TET3: variants seen among roughly 807,000 people sequenced by gnomAD.
TET3 encodes the protein methylcytosine dioxygenase TET3.
In TET3, 19 loss-of-function variants were observed where a neutral mutation model predicts 141.4. The ratio of observed to expected loss-of-function variants is 0.13; its 90% CI spans 0.09 to 0.20. The LOEUF (loss-of-function observed/expected upper bound fraction) is 0.20, where lower values mean the gene tolerates loss of function less well. Among genes scored for constraint, TET3 ranks in the 10% least tolerant of loss-of-function variants. The pLI is 1.00. For missense variants in TET3, 1,874 were observed against 2,356.9 expected, an observed-to-expected ratio of 0.80 and a Z score of 4.24; for synonymous variants, 1,043 against 980.9, an observed-to-expected ratio of 1.06 and a Z score of -1.18.
chr2:74,030,504 T>A (rs958704078), intron 3 of TET3, among the ~76,000 whole-genome samples: 2 of 152,256 alleles, frequency 1.3e-5, no homozygotes, highest in Admixed American at 1.3e-4. Context: ...TGCAAACTTA[T>A]AAGCTCAAGT....
intron 3 of TET3, among the ~76,000 whole-genome samples, chr2:74,038,998 A>T (rs551130765): frequency 2.0e-5 from 3 of 152,272 alleles, no homozygotes; most frequent in Admixed American, 6.5e-5. Flanking sequence ...GCCTTAGTTC[A>T]GGTCCTTATT....
chr2:74,046,003 C>A lies in TET3; in HGVS notation c.361-275C>A, dbSNP rs1339997687. ...GGAGAGCCTCATTTGTGTGATTGAT[C>A]TGAGGCTCTAAAAGTTTCTGAGCAA... is the stretch of plus-strand genomic sequence containing the variant. On this transcript the variant is annotated intron_variant, in intron 3 of 11. Transcript: ENST00000409262. This position sits in a 1 kb window ranked among gnomAD's most constrained non-coding sequence, Gnocchi z 4.3. Among the ~76,000 whole-genome samples the A allele has an allele frequency of 1.3e-5, 2 of 152,180 alleles. No individual in the cohort carries two copies. Among genetic ancestry groups the A allele is most frequent in the Non-Finnish European group, 2.9e-5 (2 of 68,036 alleles).
intron 3 of TET3, among the ~76,000 whole-genome samples, chr2:74,036,478 T>C (rs1363566973): frequency 2.0e-5 from 3 of 152,212 alleles, no homozygotes; most frequent in East Asian, 3.8e-4. Flanking sequence ...TGAGGGAAAA[T>C]CATTGGCACA....
chr2:73,995,983 C>T (rs958693743), intron 2 of TET3, among the ~76,000 whole-genome samples: 1 of 152,046 alleles, frequency 6.6e-6, no homozygotes, highest in East Asian at 1.9e-4. Context: ...AGGTGGTGTG[C>T]GCCACCCAGA....
intron 3 of TET3, among the ~76,000 whole-genome samples, chr2:74,030,895 C>G (rs968289227): frequency 6.6e-6 from 1 of 152,100 alleles, no homozygotes; most frequent in Non-Finnish European, 1.5e-5. Flanking sequence ...ATGGAAACAT[C>G]AAGAGGACAT....
chr2:74,020,802 G>A (rs1685996297), intron 3 of TET3, among the ~76,000 whole-genome samples: 1 of 152,252 alleles, frequency 6.6e-6, no homozygotes, highest in African/African-American at 2.4e-5. Flanking sequence ...GAAGGTGGGA[G>A]TGAGGACGTG....
chr2:74,094,850 G>C (rs1244790658), intron 10 of TET3, among the ~76,000 whole-genome samples: 1 of 152,182 alleles, frequency 6.6e-6, no homozygotes, highest in East Asian at 1.9e-4. Flanking sequence ...GAATTTAGGA[G>C]TAAGAAATCA....
In TET3 at chr2:74,093,568, C is replaced by T; in HGVS notation, c.3169C>T (p.Leu1057=). 6.2e-7 allele frequency: 1 copy of T among 1,613,444 alleles called. No homozygotes were observed. Among genetic ancestry groups the T allele is most frequent in the Non-Finnish European group, 8.5e-7 (1 of 1,179,624 alleles). The part of the protein sequence containing the change: ...EEIAIDCRLG[L]KEGRPFAGVT... ...AATAGCGATTGACTGCCGTCTGGGG[C>T]TGAAGGAAGGACGGCCCTTCGCGGG... The change falls in exon 10 of 12, where the codon CTG becomes TTG. Residue 1057 remains leucine, a synonymous_variant. Transcript: ENST00000409262. This position sits in a 1 kb window ranked among gnomAD's most constrained non-coding sequence, Gnocchi z 4.2.
At chr2:73,999,969 T>C (rs1684767928) in intron 2 of TET3, among the ~76,000 whole-genome samples, 1 of 152,066 alleles carries the variant, frequency 6.6e-6, no homozygotes, top group African/African-American at 2.4e-5. Context: ...TTCTCTGGTG[T>C]AGCCGAGGGC....
chr2:74,004,631 T>G (rs1179124142), intron 3 of TET3, among the ~76,000 whole-genome samples: 1 of 152,100 alleles, frequency 6.6e-6, no homozygotes, highest in African/African-American at 2.4e-5. Flanking sequence ...TTAGTGAGAC[T>G]GGGAGTAGTG....
At chr2:74,066,725 T>C (rs1249034685) in intron 4 of TET3, among the ~76,000 whole-genome samples, 3 of 152,218 alleles carry the variant, frequency 2.0e-5, no homozygotes, top group African/African-American at 4.8e-5. Context: ...GACCAGCCAG[T>C]TCTAGGTTGT....
At chr2:74,023,240 T>G (rs186886663) in intron 3 of TET3, among the ~76,000 whole-genome samples, 80 of 152,254 alleles carry the variant, frequency 5.3e-4, no homozygotes, top group African/African-American at 1.8e-3. Context: ...TGATTTATTT[T>G]TATTTTTATT....
chr2:74,133,859 C>A, the TET3 span, among the ~76,000 whole-genome samples: 1 of 152,210 alleles, frequency 6.6e-6, no homozygotes, highest in Non-Finnish European at 1.5e-5. Flanking sequence ...ATTCTCCTGC[C>A]TCAGCCTCCT....
chr2:74,100,240 T>G (rs1236247473), intron 11 of TET3, among the ~76,000 whole-genome samples, 153 bp from the exon 12 acceptor site: 1 of 152,154 alleles, frequency 6.6e-6, no homozygotes, highest in Admixed American at 6.5e-5. Flanking sequence ...CGACCCGTTC[T>G]GGGCTGGACA....
chr2:74,022,097 T>C, intron 3 of TET3, among the ~76,000 whole-genome samples: 1 of 144,192 alleles, frequency 6.9e-6, no homozygotes, highest in African/African-American at 2.5e-5. Flanking sequence ...TAGGACACTT[T>C]TTTTTTTTTT....
chr2:74,076,910 G>A (rs1689545373), intron 5 of TET3, among the ~76,000 whole-genome samples: 1 of 152,184 alleles, frequency 6.6e-6, no homozygotes, highest in East Asian at 1.9e-4. Context: ...GAGAAAGGAG[G>A]GGAAGGTTGA....
rs78690290 is a variant in TET3 at position 74,079,887 on chromosome 2, A to G, written c.2586-611A>G. On this transcript the variant is annotated intron_variant, in intron 5 of 11. Transcript: ENST00000409262. Reference sequence around the variant, plus strand: ...ATAGTGTGGTTGATTAGACAGTCCTAGAGAGCTGGGGTTCTGAAGCCCTGA... The same window carrying G: ...ATAGTGTGGTTGATTAGACAGTCCTGGAGAGCTGGGGTTCTGAAGCCCTGA... 1.2e-3 allele frequency among the ~76,000 whole-genome samples: 180 copies of G among 152,274 alleles called. 2 individuals are homozygous for G. The East Asian group carries it at 0.025, about 21-fold the overall frequency.
At chr2:74,016,923 C>T (rs779894648) in intron 3 of TET3, among the ~76,000 whole-genome samples, 1 of 151,746 alleles carries the variant, frequency 6.6e-6, no homozygotes, top group Non-Finnish European at 1.5e-5. Flanking sequence ...TCCATCACCT[C>T]AAACATTTAT....
At chr2:74,021,090 A>G (rs969829244) in intron 3 of TET3, among the ~76,000 whole-genome samples, 1 of 152,200 alleles carries the variant, frequency 6.6e-6, no homozygotes, top group Non-Finnish European at 1.5e-5. Flanking sequence ...ATCTGGAAGT[A>G]TTGCTCTATC....
Sources: gnomAD v4.1 joint callset for allele counts (sites outside exome capture counted in the v4.1 genomes callset) on GRCh38, gnomAD v4.1.1 for gene constraint, Gnocchi (gnomAD v3.1) non-coding constraint, MANE v1.5 for transcripts, NCBI Gene and HGNC (gene_info 2026-07-23, HGNC 2026-07-21) for gene names.